The following CUL7 variants were observed in gnomAD, a reference collection of about 807,000 sequenced individuals.
CUL7 encodes cullin-7.
A neutral mutation model predicts 177.7 loss-of-function variants in CUL7; 96 were observed. That is an observed-to-expected ratio of 0.54 (90% CI 0.46 to 0.64). The LOEUF (loss-of-function observed/expected upper bound fraction) is 0.64, where lower values mean the gene tolerates loss of function less well. Among genes scored for constraint, CUL7 ranks in the 30% least tolerant of loss-of-function variants. CUL7 has a pLI of 0.00. For synonymous variants in CUL7, 824 were observed against 890.2 expected, an observed-to-expected ratio of 0.93 and a Z score of 1.32; for missense variants, 1,893 against 2,187.9, an observed-to-expected ratio of 0.87 and a Z score of 2.69.
chr6:43,039,563 G>C (rs1763234701), intron 22 of CUL7, among the ~76,000 whole-genome samples: 1 of 151,966 alleles, frequency 6.6e-6, no homozygotes. Flanking sequence ...AAAAAGCAAT[G>C]GTCTGGGGAT....
In CUL7 at chr6:43,053,694, G is replaced by T; in HGVS notation, c.-81C>A. On this transcript the variant is annotated 5_prime_UTR_variant, in exon 1 of 26. Transcript: ENST00000265348. This position sits in a 1 kb window ranked among gnomAD's most constrained non-coding sequence, Gnocchi z 4.1. ...CAAGGGACGCGGCACAGACGCTGGC[G>T]GCGACTTGGGCCCCACCTGGGCCCC... 7.1e-7 allele frequency: 1 copy of T among 1,414,672 alleles called. No homozygotes were observed. Among genetic ancestry groups the T allele is most frequent in the South Asian group, 1.5e-5 (1 of 66,690 alleles). 87.6% of individuals were successfully genotyped at this position (1,414,672 alleles called of 1,614,324 possible).
chr6:43,045,770 T>C lies in CUL7; in HGVS notation c.2767-88A>G. ...CAGTCCCCTCACTGTTTCCCTCCCT[T>C]CCCCAGCCCTGGGATGTGTAGGGTC... is the stretch of plus-strand genomic sequence containing the variant. On this transcript the variant is annotated intron_variant, in intron 13 of 25. Transcript: ENST00000265348. The surrounding 1 kb of genome is among the most constrained non-coding windows in gnomAD (Gnocchi z 4.8). 1 of 1,438,750 alleles carries C rather than the reference T, an allele frequency of 7.0e-7. No individual in the cohort carries two copies. Among genetic ancestry groups the C allele is most frequent in the Non-Finnish European group, 9.7e-7 (1 of 1,026,698 alleles). The allele number at this position is 1,438,750 out of a possible 1,614,324, so 89.1% of individuals were successfully genotyped here.
chr6:43,038,733 G>C, intron 23 of CUL7, 41 bp from the exon 24 acceptor site: 1 of 1,612,908 alleles, frequency 6.2e-7, no homozygotes. Flanking sequence ...CCTCCCCAAG[G>C]AGTGGAGAGA....
Position 43,038,912 on chromosome 6 carries a change from T to A in CUL7, c.4370A>T (p.Gln1457Leu). The change falls in exon 23 of 26, where the codon CAG becomes CTG. Residue 1457 changes from glutamine to leucine, a missense_variant. Physicochemically the swap from Gln to Leu is moderately radical, Grantham distance 113. Coordinates refer to ENST00000265348, the MANE Select transcript of CUL7 (RefSeq NM_014780.5). The stretch of plus-strand genomic sequence containing the variant: ...CACATGCAGGGTCTGGTTCCCAAAC[T>A]GCAGCTCAGCCCAGCCCAGCCACGT... ...QWTWLGWAEL[Q>L]FGNQTLHVST... 1 of 1,614,126 alleles carries A rather than the reference T, an allele frequency of 6.2e-7. No homozygotes were observed. Among genetic ancestry groups the A allele is most frequent in the South Asian group, 1.1e-5 (1 of 91,080 alleles).
chr6:43,038,071 G>A, intron 25 of CUL7, 60 bp from the exon 26 acceptor site: 1 of 1,542,178 alleles, frequency 6.5e-7, no homozygotes, highest in South Asian at 1.2e-5. Flanking sequence ...CTCCTTGCTT[G>A]AGCTTCCACT....
chr6:43,052,033 A>G lies in CUL7; in HGVS notation c.580+176T>C, dbSNP rs1302463609. The G allele has an allele frequency of 1.7e-6, 2 of 1,204,846 alleles. No individual in the cohort carries two copies. Among genetic ancestry groups the G allele is most frequent in the East Asian group, 5.1e-5 (2 of 39,206 alleles). 74.6% of individuals were successfully genotyped at this position (1,204,846 alleles called of 1,614,324 possible). On this transcript the variant is annotated intron_variant, in intron 2 of 25. Transcript: ENST00000265348. The surrounding 1 kb of genome is among the most constrained non-coding windows in gnomAD (Gnocchi z 4.5). The stretch of plus-strand genomic sequence containing the variant: ...TGAAGATAGTCTTTCCTCTTTTGGC[A>G]GATAACCCCCACCCTCACTCCCATG...
chr6:43,044,051 G>A (rs1301965017), intron 16 of CUL7, among the ~76,000 whole-genome samples: 1 of 152,012 alleles, frequency 6.6e-6, no homozygotes, highest in East Asian at 1.9e-4. Flanking sequence ...GGTCAGGCGC[G>A]GTGGCTCATG....
intron 25 of CUL7, 90 bp downstream of exon 25, chr6:43,038,177 G>C: frequency 1.3e-6 from 2 of 1,517,190 alleles, no homozygotes; most frequent in Non-Finnish European, 9.0e-7. Flanking sequence ...TGAACCAGGT[G>C]CCTCACCACA....
In CUL7 at chr6:43,052,870, G is replaced by C; in HGVS notation, c.-8-74C>G. 1 of 1,489,502 alleles carries C rather than the reference G, an allele frequency of 6.7e-7. No homozygotes were observed. Among genetic ancestry groups the C allele is most frequent in the Non-Finnish European group, 9.1e-7 (1 of 1,101,724 alleles). The allele number at this position is 1,489,502 out of a possible 1,614,324, so 92.3% of individuals were successfully genotyped here. On this transcript the variant is annotated intron_variant, in intron 1 of 25. Coordinates refer to ENST00000265348, the MANE Select transcript of CUL7 (RefSeq NM_014780.5). This position sits in a 1 kb window ranked among gnomAD's most constrained non-coding sequence, Gnocchi z 4.5. ...TCAGAAAATCAAAGATATCCAGGAGGTGGGGAAGCAAATGGCAACAGCTGT... is the reference window on the plus strand; with the variant it reads ...TCAGAAAATCAAAGATATCCAGGAGCTGGGGAAGCAAATGGCAACAGCTGT...
intron 25 of CUL7, 109 bp downstream of exon 25, chr6:43,038,158 G>A: frequency 6.7e-7 from 1 of 1,492,512 alleles, no homozygotes. Flanking sequence ...ACTCCTACAG[G>A]CTACACAGTG....
At chr6:43,038,231 A>G in intron 25 of CUL7, 36 bp downstream of exon 25, 1 of 1,610,458 alleles carries the variant, frequency 6.2e-7, no homozygotes, top group Non-Finnish European at 8.5e-7. Context: ...CAACCCCAGC[A>G]AAGATCTGTC....
Position 43,037,697 on chromosome 6 carries a change from G to C in CUL7, c.5088C>G (p.Thr1696=). 6.4e-7 allele frequency: 1 copy of C among 1,555,354 alleles called. No homozygotes were observed. ...ASCTATQSFS[T]FR is the part of the protein sequence containing the mutation. Reference sequence around the variant, plus strand: ...GACCCCAAGTCTAGGGCTACCGGAAGGTAGAGAAGCTCTGGGTGGCAGTGC... The same window carrying C: ...GACCCCAAGTCTAGGGCTACCGGAACGTAGAGAAGCTCTGGGTGGCAGTGC... Residue 1696 remains threonine (T), a synonymous_variant, in exon 26 of 26, where the codon ACC becomes ACG. Coordinates refer to ENST00000265348, the MANE Select transcript of CUL7 (RefSeq NM_014780.5).
Position 43,040,817 on chromosome 6 carries a change from T to TCCAGCCTGCCTCTATC in CUL7, c.3806+82_3807-72dup. 6.2e-7 allele frequency: 1 copy of TCCAGCCTGCCTCTATC among 1,603,766 alleles called. No individual in the cohort carries two copies. Among genetic ancestry groups the TCCAGCCTGCCTCTATC allele is most frequent in the Non-Finnish European group, 8.5e-7 (1 of 1,171,728 alleles). On this transcript the variant is annotated intron_variant, in intron 20 of 25. Transcript: ENST00000265348. This position sits in a 1 kb window ranked among gnomAD's most constrained non-coding sequence, Gnocchi z 4.2. ...GTGGCCCAGCCTCCCACTCCAAGGC[T>TCCAGCCTGCCTCTATC]CCAGCCTGCCTCTATCCCAGACTTC...
Position 43,048,419 on chromosome 6 carries a change from A to G in CUL7, c.1976T>C (p.Leu659Pro). 2 of 1,613,974 alleles carry G rather than the reference A, an allele frequency of 1.2e-6. No individual in the cohort carries two copies. Among genetic ancestry groups the G allele is most frequent in the Non-Finnish European group, 1.7e-6 (2 of 1,179,880 alleles). Residue 659 changes from leucine to proline, a missense_variant, in exon 8 of 26, where the codon CTG becomes CCG. This residue lies in a region of CUL7 where 973 missense variants were observed against 1,140.9 expected (regional missense o/e 0.85). Transcript: ENST00000265348. ...ENKVKPLLLQLQRQPQPFLAL... is the reference protein window; with the variant it reads ...ENKVKPLLLQPQRQPQPFLAL... ...CAGGAAGGGCTGCGGCTGCCGCTGC[A>G]GCTGCAGCAGGAGTGGCTTGACCTT... is the stretch of plus-strand genomic sequence containing the variant.
At chr6:43,046,180 A>G in intron 12 of CUL7, 56 bp downstream of exon 12, 1 of 1,613,472 alleles carries the variant, frequency 6.2e-7, no homozygotes, top group Non-Finnish European at 8.5e-7. Flanking sequence ...AAACAAACAC[A>G]GGGGCGTCAC....
chr6:43,051,554 G>A lies in CUL7; in HGVS notation c.732+58C>T, dbSNP rs939000902. 15 of 1,613,856 alleles carry A rather than the reference G, an allele frequency of 9.3e-6. No homozygotes were observed. The highest frequency in any genetic ancestry group is 1.3e-5 in the Non-Finnish European group (15 of 1,179,968). On this transcript the variant is annotated intron_variant, in intron 3 of 25. Transcript: ENST00000265348. The surrounding 1 kb of genome is among the most constrained non-coding windows in gnomAD (Gnocchi z 5.0). ...ACCATCCTCTGCAGATAGGTGCAAA[G>A]GCCTGGACCCTAGATCTTGTTCACA... is the stretch of plus-strand genomic sequence containing the variant.
In CUL7 at chr6:43,049,702, C is replaced by A. The variant is rs200995067; in HGVS notation, c.1570-40G>T. ...AAGCTCTCACTGCAGACAGCCCTGC[C>A]GACCCAGAGGCCCCAGGGAGCACTT... On this transcript the variant is annotated intron_variant, in intron 6 of 25. Coordinates refer to ENST00000265348, the MANE Select transcript of CUL7 (RefSeq NM_014780.5). 3 of 1,611,644 alleles carry A rather than the reference C, an allele frequency of 1.9e-6. No individual in the cohort carries two copies. In the East Asian group the frequency reaches 6.7e-5, roughly 36 times the overall value.
In CUL7 at chr6:43,040,427, C is replaced by G; in HGVS notation, c.4024-1G>C. 6.2e-7 allele frequency: 1 copy of G among 1,612,462 alleles called. No individual in the cohort carries two copies. On this transcript the variant is annotated splice_acceptor_variant, in intron 21 of 25. Transcript: ENST00000265348. LOFTEE classifies it high-confidence loss of function. This position sits in a 1 kb window ranked among gnomAD's most constrained non-coding sequence, Gnocchi z 4.2. ...CCTTGCCACTGGCCCCAAGGCCCAC[C>G]TGAAGGAGCACAGGGTTCCCAGATG...
In CUL7 at chr6:43,053,774, T is replaced by A; in HGVS notation, c.-161A>T. On this transcript the variant is annotated 5_prime_UTR_variant, in exon 1 of 26. Transcript: ENST00000265348. The surrounding 1 kb of genome is among the most constrained non-coding windows in gnomAD (Gnocchi z 4.1). Reference sequence around the variant, plus strand: ...GGGGCGTGCCTCCGCGGAACAGAGCTGCACCCGCGTGAGTCGGCAGCCACT... The same window carrying A: ...GGGGCGTGCCTCCGCGGAACAGAGCAGCACCCGCGTGAGTCGGCAGCCACT... The A allele has an allele frequency of 1.6e-5, 25 of 1,530,698 alleles. No homozygotes were observed. The highest frequency in any genetic ancestry group is 2.2e-5 in the Non-Finnish European group (25 of 1,144,918). 94.8% of individuals were successfully genotyped at this position (1,530,698 alleles called of 1,614,324 possible). A position where few individuals can be genotyped will look rare whatever the true frequency, so the allele number is the denominator to read the frequency against.
Sources: allele counts gnomAD v4.1 joint callset (sites outside exome capture counted in the v4.1 genomes callset), GRCh38; gene constraint gnomAD v4.1.1; regional missense constraint gnomAD v4.1.1; non-coding constraint Gnocchi (gnomAD v3.1); transcripts MANE v1.5; gene names NCBI Gene and HGNC (gene_info 2026-07-23, HGNC 2026-07-21).